ITFG1: variants seen among roughly 807,000 people sequenced by gnomAD.
The protein encoded by ITFG1 is T-cell immunomodulatory protein.
A neutral mutation model predicts 81.8 loss-of-function variants in ITFG1; 34 were observed. The observed-to-expected ratio is 0.42, with a 90% confidence interval of 0.32 to 0.55. The LOEUF (loss-of-function observed/expected upper bound fraction) is 0.55, where lower values mean the gene tolerates loss of function less well. ITFG1 is among the 20% of genes least tolerant of loss of function. ITFG1 has a pLI of 0.17. For synonymous variants in ITFG1, 285 were observed against 270.6 expected, an observed-to-expected ratio of 1.05 and a Z score of -0.52; for missense variants, 672 against 755.4, an observed-to-expected ratio of 0.89 and a Z score of 1.29.
chr16:47,187,312 T>C (rs1286448376), intron 14 of ITFG1, among the ~76,000 whole-genome samples: 2 of 152,142 alleles, frequency 1.3e-5, no homozygotes, highest in Non-Finnish European at 2.9e-5. Context: ...AAGTCAATCC[T>C]AAGCCAAAAG....
chr16:47,213,703 G>C (rs1379433832), intron 14 of ITFG1, among the ~76,000 whole-genome samples: 1 of 152,178 alleles, frequency 6.6e-6, no homozygotes, highest in African/African-American at 2.4e-5. Flanking sequence ...ATCCCAAAAG[G>C]ATAGGATTTG....
At chr16:47,336,203 T>C (rs966263255) in intron 8 of ITFG1, among the ~76,000 whole-genome samples, 1 of 152,128 alleles carries the variant, frequency 6.6e-6, no homozygotes, top group African/African-American at 2.4e-5. Flanking sequence ...AGCTCCTGGA[T>C]CTCTCACAGA....
intron 14 of ITFG1, among the ~76,000 whole-genome samples, chr16:47,183,813 A>G (rs943205872): frequency 2.6e-5 from 4 of 152,218 alleles, no homozygotes; most frequent in Non-Finnish European, 5.9e-5. Flanking sequence ...CTGAGAGAAG[A>G]AGGCTTCAGA....
intron 6 of ITFG1, among the ~76,000 whole-genome samples, chr16:47,392,522 G>C (rs894194866): frequency 6.6e-6 from 1 of 152,172 alleles, no homozygotes; most frequent in Non-Finnish European, 1.5e-5. Context: ...GTAAGGACTT[G>C]AGTTTTACAC....
At chr16:47,453,509 A>C (rs909329837) in intron 3 of ITFG1, among the ~76,000 whole-genome samples, 1 of 152,232 alleles carries the variant, frequency 6.6e-6, no homozygotes, top group Non-Finnish European at 1.5e-5. Flanking sequence ...TGTGAGTCTT[A>C]AAGGCATGAA....
Position 47,436,249 on chromosome 16 carries a change from A to G in ITFG1, c.561-7351T>C, listed in dbSNP as rs374094302. On this transcript the variant is annotated intron_variant, in intron 5 of 17. Coordinates refer to ENST00000320640, the MANE Select transcript of ITFG1 (RefSeq NM_030790.5). Reference sequence around the variant, plus strand: ...TTGTATACATATGTAACAAACCTGCACGTTGTGCACATGTACCCTAAAACT... The same window carrying G: ...TTGTATACATATGTAACAAACCTGCGCGTTGTGCACATGTACCCTAAAACT... Among the ~76,000 whole-genome samples, 5 of 152,290 alleles carry G rather than the reference A, an allele frequency of 3.3e-5. No individual in the cohort carries two copies. In the East Asian group the frequency reaches 9.6e-4, roughly 29 times the overall value.
At chr16:47,322,843 C>G (rs555635903) in intron 8 of ITFG1, among the ~76,000 whole-genome samples, 1 of 152,254 alleles carries the variant, frequency 6.6e-6, no homozygotes, top group African/African-American at 2.4e-5. Context: ...TTGTTATTAA[C>G]TATAGTCATC....
chr16:47,368,004 G>A (rs557442537), intron 7 of ITFG1, among the ~76,000 whole-genome samples: 91 of 152,176 alleles, frequency 6.0e-4, no homozygotes, highest in African/African-American at 1.9e-3. Context: ...TTGGGAGGTC[G>A]AGGCGGGCGG....
At chr16:47,180,376 C>CCCCTCT (rs1965091374) in intron 14 of ITFG1, among the ~76,000 whole-genome samples, 2 of 151,818 alleles carry the variant, frequency 1.3e-5, no homozygotes, top group African/African-American at 4.8e-5. Context: ...CCTCCCCCTC[C>CCCCTCT]CCCTCTCCCC....
At chr16:47,424,241 G>A (rs982484246) in intron 6 of ITFG1, among the ~76,000 whole-genome samples, 12 of 152,146 alleles carry the variant, frequency 7.9e-5, no homozygotes, top group Non-Finnish European at 1.5e-5. Context: ...GCTTGTGCAT[G>A]CATCACAAAG....
At chr16:47,324,460 T>A (rs1298671185) in intron 8 of ITFG1, among the ~76,000 whole-genome samples, 1 of 152,158 alleles carries the variant, frequency 6.6e-6, no homozygotes, top group East Asian at 1.9e-4. Context: ...AACATCATAA[T>A]GACAGGATCA....
At chr16:47,259,181 T>C (rs750250896) in intron 11 of ITFG1, among the ~76,000 whole-genome samples, 5 of 152,360 alleles carry the variant, frequency 3.3e-5, no homozygotes, top group Admixed American at 6.5e-5. Context: ...TAAATTGATA[T>C]TCCTTTGATT....
At chr16:47,346,036 C>G (rs1410423929) in intron 8 of ITFG1, among the ~76,000 whole-genome samples, 1 of 152,156 alleles carries the variant, frequency 6.6e-6, no homozygotes, top group Non-Finnish European at 1.5e-5. Flanking sequence ...CAGATATATA[C>G]AGAACTTTCC....
At chr16:47,212,455 G>T (rs1596811406) in intron 14 of ITFG1, among the ~76,000 whole-genome samples, 3 of 152,094 alleles carry the variant, frequency 2.0e-5, no homozygotes, top group Admixed American at 6.5e-5. Flanking sequence ...GAACTCAAGT[G>T]ATCCTCTCGC....
intron 5 of ITFG1, among the ~76,000 whole-genome samples, chr16:47,442,970 C>T (rs1969273534): frequency 6.6e-6 from 1 of 152,154 alleles, no homozygotes; most frequent in Admixed American, 6.5e-5. Flanking sequence ...AGGCAACCTA[C>T]AGAATGGGAG....
At chr16:47,211,856 C>A (rs8050888) in intron 14 of ITFG1, among the ~76,000 whole-genome samples, 1 of 152,004 alleles carries the variant, frequency 6.6e-6, no homozygotes, top group African/African-American at 2.4e-5. Flanking sequence ...CTGGCATAAC[C>A]CCCACTTGAT....
At chr16:47,294,568 T>C (rs565339536) in intron 10 of ITFG1, among the ~76,000 whole-genome samples, 5 of 152,278 alleles carry the variant, frequency 3.3e-5, no homozygotes, top group African/African-American at 1.2e-4. Context: ...TAGAGATCTT[T>C]CAACTTATTA....
At chr16:47,172,725 A>G (rs895060440) in intron 14 of ITFG1, among the ~76,000 whole-genome samples, 1 of 152,174 alleles carries the variant, frequency 6.6e-6, no homozygotes, top group East Asian at 1.9e-4. Flanking sequence ...TTCCACTGCT[A>G]CCACCTTGGT....
intron 14 of ITFG1, among the ~76,000 whole-genome samples, chr16:47,202,587 TA>T (rs200638950): frequency 6.7e-4 from 98 of 145,780 alleles, no homozygotes; most frequent in Middle Eastern, 3.5e-3. Context: ...AGGTGTAACT[TA>T]AAAAAAAAAA....
Sources: allele counts gnomAD v4.1 joint callset (sites outside exome capture counted in the v4.1 genomes callset), GRCh38; gene constraint gnomAD v4.1.1; transcripts MANE v1.5; gene names NCBI Gene and HGNC (gene_info 2026-07-23, HGNC 2026-07-21).